GRIK3: variants seen among roughly 807,000 people sequenced by gnomAD.
The protein encoded by GRIK3 is glutamate ionotropic receptor kainate type subunit 3.
GRIK3 carries 29 observed loss-of-function variants against 102.5 expected under a neutral mutation model. That is an observed-to-expected ratio of 0.28 (90% CI 0.21 to 0.39). GRIK3 has a LOEUF of 0.39. Ranked by LOEUF, GRIK3 falls within the 10% of genes least tolerant of loss-of-function variation. The pLI, the probability that GRIK3 is intolerant of heterozygous loss-of-function variation, is 1.00. For missense variants in GRIK3, 908 were observed against 1,252.4 expected, an observed-to-expected ratio of 0.73 and a Z score of 4.15; for synonymous variants, 511 against 504.9, an observed-to-expected ratio of 1.01 and a Z score of -0.16.
intron 1 of GRIK3, among the ~76,000 whole-genome samples, chr1:36,968,448 T>G (rs148950051): frequency 1.3e-5 from 2 of 152,192 alleles, no homozygotes; most frequent in African/African-American, 2.4e-5. Context: ...GGAGGTTGAC[T>G]GAGTATCCTA....
intron 1 of GRIK3, among the ~76,000 whole-genome samples, chr1:36,981,785 A>G (rs1381996607): frequency 6.6e-6 from 1 of 152,090 alleles, no homozygotes; most frequent in Non-Finnish European, 1.5e-5. Flanking sequence ...AATGTTTTTG[A>G]GCACCTACTG....
chr1:36,839,466 C>T (rs1200950844), intron 10 of GRIK3, among the ~76,000 whole-genome samples: 1 of 152,098 alleles, frequency 6.6e-6, no homozygotes. Flanking sequence ...TTCTCACTGT[C>T]AGGTTAGGAA....
chr1:36,891,914 TA>T lies in GRIK3; in HGVS notation c.116-819del, dbSNP rs374678034. Among the ~76,000 whole-genome samples the T allele has an allele frequency of 9.8e-4, 149 of 152,314 alleles. 1 individual carries two copies. The highest frequency in any genetic ancestry group is 3.6e-3 in the African/African-American group (148 of 41,574). ...GTTTCTTCATATCAGTGACAATCAGTAAAAAAACTTAATAGCAAATGAATTC... is the reference window on the plus strand; with the variant it reads ...GTTTCTTCATATCAGTGACAATCAGTAAAAAACTTAATAGCAAATGAATTC... On this transcript the variant is annotated intron_variant, in intron 1 of 15. Transcript: ENST00000373091.
intron 1 of GRIK3, among the ~76,000 whole-genome samples, chr1:36,929,720 A>G (rs1264489526): frequency 2.0e-5 from 3 of 152,316 alleles, no homozygotes; most frequent in Non-Finnish European, 4.4e-5. Context: ...TGTATTAGCT[A>G]TTTATTGTTG....
chr1:36,872,405 C>T lies in GRIK3; in HGVS notation c.551-36G>A, dbSNP rs1336692686. ...ATGGAGCACAAAAGACACACGTGTACCACATGTATCCACAGCTCCAGGCAT... is the reference window on the plus strand; with the variant it reads ...ATGGAGCACAAAAGACACACGTGTATCACATGTATCCACAGCTCCAGGCAT... On this transcript the variant is annotated intron_variant, in intron 3 of 15. Transcript: ENST00000373091. This position sits in a 1 kb window ranked among gnomAD's most constrained non-coding sequence, Gnocchi z 5.9. The T allele has an allele frequency of 1.0e-5, 15 of 1,449,162 alleles. No individual in the cohort carries two copies. The highest frequency in any genetic ancestry group is 1.4e-5 in the Non-Finnish European group (15 of 1,062,820). 89.8% of individuals were successfully genotyped at this position (1,449,162 alleles called of 1,614,324 possible).
chr1:36,971,970 A>T (rs1030856154), intron 1 of GRIK3, among the ~76,000 whole-genome samples: 1 of 152,194 alleles, frequency 6.6e-6, no homozygotes, highest in South Asian at 2.1e-4. Context: ...ACCACTCCCC[A>T]GGGCCTGGCA....
intron 1 of GRIK3, among the ~76,000 whole-genome samples, chr1:36,959,767 TG>T (rs1641979632): frequency 8.4e-6 from 1 of 118,926 alleles, no homozygotes; most frequent in Non-Finnish European, 1.8e-5. Flanking sequence ...CTGTGTGCCC[TG>T]TGAGCCTGTG....
At chr1:36,980,338 T>C (rs1046034345) in intron 1 of GRIK3, among the ~76,000 whole-genome samples, 2 of 151,920 alleles carry the variant, frequency 1.3e-5, no homozygotes, top group Non-Finnish European at 2.9e-5. Context: ...TGCCCCTGCC[T>C]TGCACACTGT....
At chr1:37,004,275 C>T (rs1642509000) in intron 1 of GRIK3, among the ~76,000 whole-genome samples, 1 of 152,172 alleles carries the variant, frequency 6.6e-6, no homozygotes, top group Non-Finnish European at 1.5e-5. Flanking sequence ...ATCTATAAAG[C>T]AGAGATAATA....
At chr1:36,901,241 T>A (rs899704116) in intron 1 of GRIK3, among the ~76,000 whole-genome samples, 9 of 152,248 alleles carry the variant, frequency 5.9e-5, no homozygotes, top group African/African-American at 2.2e-4. Flanking sequence ...GAAATAAAAC[T>A]ACAGATCAAT....
At chr1:36,963,368 C>A (rs545300997) in intron 1 of GRIK3, among the ~76,000 whole-genome samples, 4 of 152,174 alleles carry the variant, frequency 2.6e-5, no homozygotes, top group Non-Finnish European at 5.9e-5. Context: ...CCAGGCAGAA[C>A]GTGAGAGTCA....
chr1:36,945,585 C>T (rs1641774800), intron 1 of GRIK3, among the ~76,000 whole-genome samples: 1 of 152,226 alleles, frequency 6.6e-6, no homozygotes, highest in Non-Finnish European at 1.5e-5. Flanking sequence ...ATACAGATAG[C>T]TCAGAGTGTC....
chr1:36,815,518 A>T (rs190141609), intron 13 of GRIK3, among the ~76,000 whole-genome samples: 1 of 152,342 alleles, frequency 6.6e-6, no homozygotes, highest in African/African-American at 2.4e-5. Flanking sequence ...CTTCCATTCC[A>T]GGTTGATTGA....
chr1:36,808,074 T>G (rs1642520145), intron 13 of GRIK3, among the ~76,000 whole-genome samples: 1 of 152,266 alleles, frequency 6.6e-6, no homozygotes, highest in Non-Finnish European at 1.5e-5. Context: ...TTCTTCCACC[T>G]CAGTGCTTCC....
chr1:36,820,095 A>G (rs1642680149), intron 11 of GRIK3, among the ~76,000 whole-genome samples: 1 of 152,216 alleles, frequency 6.6e-6, no homozygotes, highest in Non-Finnish European at 1.5e-5. Context: ...TCAGGCTCCC[A>G]GTTCTGCAAC....
chr1:37,020,333 G>C (rs1043625507), intron 1 of GRIK3, among the ~76,000 whole-genome samples: 2 of 152,158 alleles, frequency 1.3e-5, no homozygotes, highest in Admixed American at 1.3e-4. Flanking sequence ...CCTGAATGAG[G>C]AATAATTTTA....
intron 1 of GRIK3, among the ~76,000 whole-genome samples, chr1:36,913,203 C>T (rs968096972): frequency 1.3e-5 from 2 of 152,194 alleles, no homozygotes; most frequent in South Asian, 2.1e-4. Context: ...GGCTCATCTC[C>T]AAACCCGGGC....
At chr1:36,902,457 G>A (rs545192445) in intron 1 of GRIK3, among the ~76,000 whole-genome samples, 14 of 152,290 alleles carry the variant, frequency 9.2e-5, no homozygotes, top group African/African-American at 2.9e-4. Flanking sequence ...CTTTGACAAG[G>A]GAGCAAAGGC....
chr1:36,992,416 A>G (rs1642372433), intron 1 of GRIK3, among the ~76,000 whole-genome samples: 1 of 152,148 alleles, frequency 6.6e-6, no homozygotes, highest in African/African-American at 2.4e-5. Flanking sequence ...CTGGAAGCAG[A>G]AGAGGGCCAT....
Sources: allele counts gnomAD v4.1 joint callset (sites outside exome capture counted in the v4.1 genomes callset), GRCh38; gene constraint gnomAD v4.1.1; non-coding constraint Gnocchi (gnomAD v3.1); transcripts MANE v1.5; gene names NCBI Gene and HGNC (gene_info 2026-07-23, HGNC 2026-07-21).